The following ACYP2 variants were observed in gnomAD, a reference collection of about 807,000 sequenced individuals.
ACYP2 encodes the protein acylphosphatase 2.
In ACYP2, 12 loss-of-function variants were observed where a neutral mutation model predicts 11.2. The observed-to-expected ratio is 1.08, with a 90% CI of 0.69 to 1.74. ACYP2 has a LOEUF of 1.74. Ranked by LOEUF, ACYP2 falls within the 40% of genes most tolerant of loss-of-function variation. The pLI is 0.00. For missense variants in ACYP2, 134 were observed against 101.9 expected, an observed-to-expected ratio of 1.31 and a Z score of -1.35; for synonymous variants, 43 against 32.2, an observed-to-expected ratio of 1.33 and a Z score of -1.13.
chr2:53,976,053 G>A (rs1010065246), intron 2 of ACYP2, among the ~76,000 whole-genome samples: 1 of 152,114 alleles, frequency 6.6e-6, no homozygotes, highest in Non-Finnish European at 1.5e-5. Flanking sequence ...TCTTTGATGT[G>A]CTTATTGGAA....
intron 6 of ACYP2, among the ~76,000 whole-genome samples, chr2:54,176,003 G>T (rs1314363848): frequency 1.3e-5 from 2 of 152,110 alleles, no homozygotes; most frequent in African/African-American, 4.8e-5. Context: ...AGGATACATT[G>T]AAGGCACCAT....
chr2:54,260,044 T>C (rs1481597291), intron 6 of ACYP2, among the ~76,000 whole-genome samples: 1 of 152,020 alleles, frequency 6.6e-6, no homozygotes. Flanking sequence ...GGAAGCATTA[T>C]TGGAGGGATG....
chr2:54,000,524 T>C (rs1347642598), intron 2 of ACYP2, among the ~76,000 whole-genome samples: 3 of 152,230 alleles, frequency 2.0e-5, no homozygotes, highest in Non-Finnish European at 4.4e-5. Context: ...CAGGATAGGC[T>C]GGGTTATGCT....
intron 2 of ACYP2, among the ~76,000 whole-genome samples, chr2:54,007,673 TG>T (rs981669544): frequency 2.6e-5 from 4 of 152,200 alleles, no homozygotes; most frequent in African/African-American, 9.7e-5. Context: ...TGAGACCATC[TG>T]GCCAACATGC....
intron 4 of ACYP2, among the ~76,000 whole-genome samples, chr2:54,105,846 A>C (rs944037992): frequency 6.6e-6 from 1 of 152,058 alleles, no homozygotes; most frequent in East Asian, 1.9e-4. Flanking sequence ...CATGGCACAT[A>C]CTGGGTATTC....
intron 6 of ACYP2, among the ~76,000 whole-genome samples, chr2:54,296,692 T>C (rs1689536662): frequency 6.6e-6 from 1 of 151,890 alleles, no homozygotes; most frequent in Non-Finnish European, 1.5e-5. Context: ...TTGTAAAGGA[T>C]AAAATAGACT....
intron 6 of ACYP2, among the ~76,000 whole-genome samples, chr2:54,192,175 C>T (rs944983919): frequency 6.6e-6 from 1 of 152,106 alleles, no homozygotes; most frequent in Non-Finnish European, 1.5e-5. Flanking sequence ...TATATACATA[C>T]ACACATATCA....
At chr2:54,111,712 T>G (rs965730526) in intron 4 of ACYP2, among the ~76,000 whole-genome samples, 2 of 152,244 alleles carry the variant, frequency 1.3e-5, no homozygotes, top group African/African-American at 4.8e-5. Context: ...CCACAGGGAA[T>G]CATTGAATGG....
intron 6 of ACYP2, among the ~76,000 whole-genome samples, chr2:54,231,167 T>C (rs13389240): frequency 0.012 from 1,848 of 152,194 alleles, 39 homozygotes; most frequent in African/African-American, 0.043. Context: ...TTGATTAATG[T>C]CTCATGCCTT....
chr2:54,049,971 T>A (rs1370275062), intron 2 of ACYP2, among the ~76,000 whole-genome samples: 1 of 152,218 alleles, frequency 6.6e-6, no homozygotes, highest in Admixed American at 6.5e-5. Flanking sequence ...TGCACAAGTG[T>A]GCTCATTGCT....
intron 6 of ACYP2, among the ~76,000 whole-genome samples, chr2:54,282,035 T>G (rs954196383): frequency 6.6e-6 from 1 of 152,234 alleles, no homozygotes; most frequent in African/African-American, 2.4e-5. Context: ...AAGTGACTGT[T>G]GCTATTTATT....
intron 4 of ACYP2, among the ~76,000 whole-genome samples, chr2:54,096,737 G>A (rs1001784782): frequency 6.6e-6 from 1 of 152,232 alleles, no homozygotes; most frequent in African/African-American, 2.4e-5. Flanking sequence ...GCAGGCTGAG[G>A]CAGGAGAATC....
At chr2:54,179,542 G>C (rs937807683) in intron 6 of ACYP2, among the ~76,000 whole-genome samples, 6 of 152,212 alleles carry the variant, frequency 3.9e-5, no homozygotes, top group Non-Finnish European at 4.4e-5. Flanking sequence ...ACTTTTTATG[G>C]TTATTTCTTG....
intron 2 of ACYP2, among the ~76,000 whole-genome samples, chr2:54,022,896 G>C (rs1674080131): frequency 6.6e-6 from 1 of 152,072 alleles, no homozygotes; most frequent in South Asian, 2.1e-4. Context: ...TACGCCTTTT[G>C]TCCTATCATA....
chr2:54,124,220 G>C (rs1375299638), intron 4 of ACYP2, among the ~76,000 whole-genome samples: 1 of 149,766 alleles, frequency 6.7e-6, no homozygotes, highest in Admixed American at 6.6e-5. Context: ...TTGAGACAGA[G>C]TTTCATTCTT....
chr2:54,083,216 T>C (rs1677761275), intron 4 of ACYP2, among the ~76,000 whole-genome samples: 2 of 152,164 alleles, frequency 1.3e-5, no homozygotes, highest in South Asian at 4.1e-4. Context: ...CGAGCACAAA[T>C]GTTAGTCTGC....
At chr2:54,066,830 G>T (rs995712533) in intron 4 of ACYP2, among the ~76,000 whole-genome samples, 5 of 152,188 alleles carry the variant, frequency 3.3e-5, no homozygotes, top group Non-Finnish European at 7.3e-5. Flanking sequence ...AAACTCTGGT[G>T]AATTTCTCCA....
intron 4 of ACYP2, among the ~76,000 whole-genome samples, chr2:54,101,962 G>T (rs1448169181): frequency 6.6e-6 from 1 of 152,094 alleles, no homozygotes; most frequent in African/African-American, 2.4e-5. Flanking sequence ...TTACATTAGG[G>T]TTCACTCTTT....
At chr2:53,989,518 GC>G (rs2104516942) in intron 2 of ACYP2, among the ~76,000 whole-genome samples, 1 of 152,058 alleles carries the variant, frequency 6.6e-6, no homozygotes, top group East Asian at 1.9e-4. Context: ...ATCTGTAATT[GC>G]TTTTGGCTGC....
Sources: allele counts gnomAD v4.1 joint callset (sites outside exome capture counted in the v4.1 genomes callset), GRCh38; gene constraint gnomAD v4.1.1; transcripts MANE v1.5; gene names NCBI Gene and HGNC (gene_info 2026-07-23, HGNC 2026-07-21).